Variants in GREB1 observed in about 807,000 individuals in gnomAD.
GREB1 encodes protein GREB1.
A neutral mutation model predicts 200.7 loss-of-function variants in GREB1; 106 were observed. That is an observed-to-expected ratio of 0.53 (90% CI 0.45 to 0.62). GREB1 has a LOEUF of 0.62. Among genes scored for constraint, GREB1 ranks in the 20% least tolerant of loss-of-function variants. The pLI is 0.00. For synonymous variants in GREB1, 1,132 were observed against 1,092.4 expected (o/e 1.04, Z -0.72); for missense variants, 2,243 against 2,556.8 (o/e 0.88, Z 2.65).
In GREB1 at chr2:11,593,098, G is replaced by A. The variant is rs751831482; in HGVS notation, c.1668G>A (p.Ala556=). The A allele has an allele frequency of 5.0e-6, 8 of 1,607,938 alleles. No homozygotes were observed. The highest frequency in any genetic ancestry group is 6.8e-6 in the Non-Finnish European group (8 of 1,176,688). ...YVVIICACRS[A]AIDSCIAVTG... Reference sequence around the variant, plus strand: ...TCATCATCTGCGCCTGCCGCAGCGCGGCCATCGACTCCTGCATCGCCGTCA... The same window carrying A: ...TCATCATCTGCGCCTGCCGCAGCGCAGCCATCGACTCCTGCATCGCCGTCA... Residue 556 remains alanine, a synonymous_variant, in exon 11 of 33, where the codon GCG becomes GCA. Coordinates refer to ENST00000381486, the MANE Select transcript of GREB1 (RefSeq NM_014668.4).
At chr2:11,637,414 C>A (rs1685470950) in intron 30 of GREB1, among the ~76,000 whole-genome samples, 1 of 152,056 alleles carries the variant, frequency 6.6e-6, no homozygotes, top group Non-Finnish European at 1.5e-5. Context: ...GGCTTGCATC[C>A]CCCAGACCCA....
chr2:11,603,891 C>G (rs896941371), intron 17 of GREB1, among the ~76,000 whole-genome samples: 6 of 152,242 alleles, frequency 3.9e-5, no homozygotes, highest in Non-Finnish European at 8.8e-5. Context: ...ATAGGAAATA[C>G]TGTTATCTCC....
intron 6 of GREB1, among the ~76,000 whole-genome samples, chr2:11,578,877 C>A (rs1435530171): frequency 6.6e-6 from 1 of 152,238 alleles, no homozygotes; most frequent in Non-Finnish European, 1.5e-5. Context: ...GCGTCAGTTT[C>A]CACATTTTAC....
Position 11,612,486 on chromosome 2 carries a change from T to C in GREB1, c.3007-9T>C. On this transcript the variant is annotated splice_polypyrimidine_tract_variant and intron_variant, in intron 18 of 32. Coordinates refer to ENST00000381486, the MANE Select transcript of GREB1 (RefSeq NM_014668.4). ...GTCTGTGGCTTTATTTCTTTTTCGT[T>C]ATCTGCAGATGTGGCAGAAAATTGA... 3.1e-6 allele frequency: 5 copies of C among 1,591,126 alleles called. No homozygotes were observed. Among genetic ancestry groups the C allele is most frequent in the Non-Finnish European group, 4.3e-6 (5 of 1,159,436 alleles).
rs777556736 is a variant in GREB1 at position 11,618,858 on chromosome 2, G to A, written c.3983G>A (p.Arg1328Gln). Residue 1328 changes from arginine (R) to glutamine (Q), a missense_variant, in exon 22 of 33, where the codon CGG becomes CAG. Physicochemically the swap from Arg to Gln is conservative, Grantham distance 43. Around this residue, in one of 3 missense-constraint regions of GREB1, gnomAD observed 587 missense variants for 553.1 expected, o/e 1.06. Coordinates refer to ENST00000381486, the MANE Select transcript of GREB1 (RefSeq NM_014668.4). ...CCCAGCCACATGGACTACGGCAACC[G>A]GGCCGAGGGCCGCGTGGACGGCTTC... ...PRPSHMDYGN[R>Q]AEGRVDGFHP... The A allele has an allele frequency of 3.5e-5, 56 of 1,588,982 alleles. No homozygotes were observed. The highest frequency in any genetic ancestry group is 3.2e-4 in the Admixed American group (19 of 59,134).
chr2:11,513,621 T>G (rs1673409176), intron 1 of GREB1, among the ~76,000 whole-genome samples: 1 of 152,152 alleles, frequency 6.6e-6, no homozygotes, highest in South Asian at 2.1e-4. Context: ...GCCAGAAACT[T>G]AAATTAGCAG....
chr2:11,633,991 G>A lies in GREB1; in HGVS notation c.4992-140G>A. On this transcript the variant is annotated intron_variant, in intron 28 of 32. Transcript: ENST00000381486. This position sits in a 1 kb window ranked among gnomAD's most constrained non-coding sequence, Gnocchi z 4.1. ...TGGGAAGCGCCCAGCAGGGTGCCTG[G>A]CCCTGGGGGGACTGTGCGGGGCACC... is the stretch of plus-strand genomic sequence containing the variant. The A allele has an allele frequency of 1.3e-6, 1 of 760,142 alleles. No homozygotes were observed. Among genetic ancestry groups the A allele is most frequent in the South Asian group, 1.6e-5 (1 of 60,942 alleles). The allele number at this position is 760,142 out of a possible 1,614,324, so 47.1% of individuals were successfully genotyped here. A position where few individuals can be genotyped will look rare whatever the true frequency, so the allele number is the denominator to read the frequency against.
intron 1 of GREB1, among the ~76,000 whole-genome samples, chr2:11,527,366 A>T (rs1012789466): frequency 5.3e-5 from 8 of 152,230 alleles, no homozygotes; most frequent in African/African-American, 1.9e-4. Flanking sequence ...ACCTCATATA[A>T]ATGATACAGT....
At chr2:11,620,063 G>A (rs760773614) in intron 22 of GREB1, among the ~76,000 whole-genome samples, 8 of 152,140 alleles carry the variant, frequency 5.3e-5, no homozygotes, top group Non-Finnish European at 7.4e-5. Flanking sequence ...CGCAGCCTCC[G>A]CCTCCCGGGT....
At chr2:11,589,127 T>A (rs1008150768) in intron 10 of GREB1, among the ~76,000 whole-genome samples, 196 bp downstream of exon 10, 40 of 152,006 alleles carry the variant, frequency 2.6e-4, no homozygotes, top group Non-Finnish European at 5.3e-4. Flanking sequence ...TAGGTTGAGG[T>A]TGATGGAGAC....
intron 1 of GREB1, among the ~76,000 whole-genome samples, chr2:11,553,916 A>C (rs1238519300): frequency 6.6e-6 from 1 of 151,886 alleles, no homozygotes; most frequent in East Asian, 1.9e-4. Context: ...CTCCATGTAA[A>C]ACGAGTCCAC....
chr2:11,510,918 C>CTA (rs1673331814), intron 1 of GREB1, among the ~76,000 whole-genome samples: 1 of 152,142 alleles, frequency 6.6e-6, no homozygotes, highest in African/African-American at 2.4e-5. Context: ...GGTGATCTGC[C>CTA]TATCTCTGCC....
Position 11,550,320 on chromosome 2 carries a change from A to G in GREB1, c.-161-6134A>G, listed in dbSNP as rs191194004. On this transcript the variant is annotated intron_variant, in intron 1 of 32. Coordinates refer to ENST00000381486, the MANE Select transcript of GREB1 (RefSeq NM_014668.4). ...GGATCTGTTATACTGAGTACCCCCA[A>G]TTTTCAATATCTGTCCATCCTTAAG... is the stretch of plus-strand genomic sequence containing the variant. Among the ~76,000 whole-genome samples the G allele has an allele frequency of 2.8e-3, 421 of 152,262 alleles. 7 individuals are homozygous for G. The highest frequency in any genetic ancestry group is 1.5e-3 in the East Asian group (8 of 5,182).
Position 11,595,390 on chromosome 2 carries a change from C to T in GREB1, c.1825+11C>T, listed in dbSNP as rs531925987. 24 of 1,611,546 alleles carry T rather than the reference C, an allele frequency of 1.5e-5. No homozygotes were observed. The highest frequency in any genetic ancestry group is 6.7e-5 in the East Asian group (3 of 44,800). On this transcript the variant is annotated intron_variant, in intron 12 of 32. Coordinates refer to ENST00000381486, the MANE Select transcript of GREB1 (RefSeq NM_014668.4). ...GCACCCTCTGTCCAGGTAGGCTTGT[C>T]GTGAGACAGGTGCACATGCGTATGT... is the stretch of plus-strand genomic sequence containing the variant.
chr2:11,606,030 T>C (rs949055728), intron 17 of GREB1, among the ~76,000 whole-genome samples: 24 of 152,180 alleles, frequency 1.6e-4, no homozygotes, highest in Non-Finnish European at 1.5e-4. Context: ...GCTGCCAAAT[T>C]GTTTTCCAAA....
chr2:11,558,076 A>G (rs1185830383), intron 2 of GREB1, among the ~76,000 whole-genome samples: 3 of 152,246 alleles, frequency 2.0e-5, no homozygotes, highest in African/African-American at 7.2e-5. Flanking sequence ...AAAATCCACA[A>G]AGTGCTTTCA....
At chr2:11,504,279 T>C (rs1673121535) in intron 1 of GREB1, among the ~76,000 whole-genome samples, 2 of 152,304 alleles carry the variant, frequency 1.3e-5, no homozygotes, top group Non-Finnish European at 2.9e-5. Context: ...AAGAATGGCA[T>C]GCAATTTAAA....
At position 11,596,098 on chromosome 2, in the gene GREB1, C is replaced by G. The variant is rs543987462; in HGVS notation, c.1826-13C>G. On this transcript the variant is annotated splice_polypyrimidine_tract_variant and intron_variant, in intron 12 of 32. Transcript: ENST00000381486. The stretch of plus-strand genomic sequence containing the variant: ...GACATCAAAAACCCATTTGTTTATT[C>G]TGTCTTGGGCAGAGGGTGACATTGA... 6.8e-6 allele frequency: 11 copies of G among 1,608,368 alleles called. No homozygotes were observed. The African/African-American group carries it at 1.5e-4, about 22-fold the overall frequency.
chr2:11,616,220 T>C (rs772185008), intron 20 of GREB1, among the ~76,000 whole-genome samples: 5 of 152,256 alleles, frequency 3.3e-5, no homozygotes, highest in Non-Finnish European at 5.9e-5. Context: ...TTCTGGCCTC[T>C]GCGCTGCACG....
Sources: allele counts gnomAD v4.1 joint callset (sites outside exome capture counted in the v4.1 genomes callset), GRCh38; gene constraint gnomAD v4.1.1; regional missense constraint gnomAD v4.1.1; non-coding constraint Gnocchi (gnomAD v3.1); transcripts MANE v1.5; gene names NCBI Gene and HGNC (gene_info 2026-07-23, HGNC 2026-07-21).